The following BICDL1 variants were observed in gnomAD, a reference collection of about 807,000 sequenced individuals.
The protein encoded by BICDL1 is BICD family like cargo adaptor 1.
A neutral mutation model predicts 76.8 loss-of-function variants in BICDL1; 20 were observed. The observed-to-expected ratio is 0.26, with a 90% CI of 0.18 to 0.38. The LOEUF (loss-of-function observed/expected upper bound fraction) is 0.38. Ranked by LOEUF, BICDL1 falls within the 10% of genes least tolerant of loss-of-function variation. The pLI is 1.00. For synonymous variants in BICDL1, 383 were observed against 337.1 expected (o/e 1.14, Z -1.49); for missense variants, 700 against 798.6 (o/e 0.88, Z 1.49).
chr12:120,072,412 G>A (rs1873176541), intron 5 of BICDL1, 99 bp from the exon 6 acceptor site: 14 of 1,087,556 alleles, frequency 1.3e-5, no homozygotes, highest in Non-Finnish European at 1.8e-5. Context: ...TAGAACTGGT[G>A]TCTTGGGTAT....
At chr12:120,015,198 T>G (rs754871701) in intron 2 of BICDL1, among the ~76,000 whole-genome samples, 1 of 152,156 alleles carries the variant, frequency 6.6e-6, no homozygotes, top group African/African-American at 2.4e-5. Flanking sequence ...ACCTGAAACA[T>G]CTCCTTGCCT....
At chr12:120,092,271 G>GGGA in intron 9 of BICDL1, 5 of 985,460 alleles carry the variant, frequency 5.1e-6, no homozygotes, top group Non-Finnish European at 6.0e-6. Context: ...GCGGGCTGTG[G>GGGA]GGAGGAAGGC....
At chr12:120,006,988 G>A (rs964198845) in intron 2 of BICDL1, among the ~76,000 whole-genome samples, 5 of 152,142 alleles carry the variant, frequency 3.3e-5, no homozygotes. Context: ...TTTGATTATG[G>A]AAGTGTTGAA....
intron 2 of BICDL1, 145 bp downstream of exon 2, chr12:119,998,881 C>A: frequency 1.4e-6 from 1 of 714,168 alleles, no homozygotes; most frequent in Non-Finnish European, 2.3e-6. Flanking sequence ...ACAGGGAGAC[C>A]TCATCTCTAC....
chr12:120,086,383 A>C (rs915445964), intron 8 of BICDL1, among the ~76,000 whole-genome samples: 1 of 152,230 alleles, frequency 6.6e-6, no homozygotes, highest in African/African-American at 2.4e-5. Context: ...TACTTCTTCC[A>C]TATACGTTAT....
chr12:120,082,615 CTT>C (rs1266459105), intron 8 of BICDL1, among the ~76,000 whole-genome samples: 1 of 151,972 alleles, frequency 6.6e-6, no homozygotes, highest in African/African-American at 2.4e-5. Flanking sequence ...CAGGGTCTCT[CTT>C]TGTCACCCAG....
intron 2 of BICDL1, among the ~76,000 whole-genome samples, chr12:120,052,145 T>C (rs1441213504): frequency 1.3e-5 from 2 of 152,136 alleles, no homozygotes; most frequent in African/African-American, 2.4e-5. Context: ...GTTTTCACTA[T>C]GTTGGCCAGG....
rs1873920578 is a variant in BICDL1 at position 120,080,927 on chromosome 12, A to T, written c.1493A>T (p.Glu498Val). Residue 498 changes from glutamate to valine, a missense_variant, in exon 8 of 10, where the codon GAG becomes GTG. Transcript: ENST00000548673. ...LSVEMTALKE[E>V]RDRLRVTSED... ...GTGGAGATGACTGCCCTAAAAGAGG[A>T]GAGAGACCGACTCAGAGTCACTTCT... 1.9e-6 allele frequency: 3 copies of T among 1,613,626 alleles called. No individual in the cohort carries two copies. Among genetic ancestry groups the T allele is most frequent in the African/African-American group, 1.3e-5 (1 of 74,834 alleles).
chr12:119,994,879 C>T (rs1031921718), intron 1 of BICDL1, among the ~76,000 whole-genome samples: 2 of 152,186 alleles, frequency 1.3e-5, no homozygotes, highest in Non-Finnish European at 1.5e-5. Context: ...CCAGCTTCCT[C>T]TTATTAACAT....
chr12:119,999,062 G>GAAAAAAAAAA (rs10658480), intron 2 of BICDL1, among the ~76,000 whole-genome samples: 1 of 95,258 alleles, frequency 1.0e-5, no homozygotes, highest in South Asian at 4.0e-4. Flanking sequence ...GCCTGTCTCG[G>GAAAAAAAAAA]AAAAAAAAAA....
At chr12:119,997,923 G>T (rs1045513177) in intron 1 of BICDL1, among the ~76,000 whole-genome samples, 1 of 152,088 alleles carries the variant, frequency 6.6e-6, no homozygotes, top group Non-Finnish European at 1.5e-5. Context: ...AGACCAACCT[G>T]GGCAACATTG....
At chr12:120,077,912 G>A (rs1873685275) in intron 7 of BICDL1, among the ~76,000 whole-genome samples, 1 of 152,020 alleles carries the variant, frequency 6.6e-6, no homozygotes, top group Non-Finnish European at 1.5e-5. Context: ...GCCTTGAGCT[G>A]TTGTGGCTGT....
At chr12:120,080,709 ACCCTTTCTTCAAGAGAGACAGG>A in intron 7 of BICDL1, 156 bp from the exon 8 acceptor site, 2 of 534,042 alleles carry the variant, frequency 3.7e-6, no homozygotes, top group Non-Finnish European at 6.5e-6. Context: ...GTGATGTGGT[ACCCTTTCTTCAAGAGAGACAGG>A]CCCTCTCTTG....
intron 8 of BICDL1, among the ~76,000 whole-genome samples, chr12:120,086,763 AAAGG>A (rs1874447693): frequency 6.6e-6 from 1 of 152,262 alleles, no homozygotes; most frequent in South Asian, 2.1e-4. Context: ...TCATTTGTAA[AAAGG>A]AATTATTCGA....
At chr12:120,046,326 C>T (rs553908518) in intron 2 of BICDL1, among the ~76,000 whole-genome samples, 1 of 152,272 alleles carries the variant, frequency 6.6e-6, no homozygotes, top group South Asian at 2.1e-4. Context: ...CTTTTCTGTG[C>T]CAGTGACTTA....
chr12:120,008,427 G>A (rs1415930691), intron 2 of BICDL1, among the ~76,000 whole-genome samples: 1 of 152,100 alleles, frequency 6.6e-6, no homozygotes, highest in Non-Finnish European at 1.5e-5. Context: ...CCAAAATGCT[G>A]GGATTACAGG....
Position 120,064,863 on chromosome 12 carries a change from A to G in BICDL1, c.893A>G (p.His298Arg), listed in dbSNP as rs1165556601. 4 of 1,611,716 alleles carry G rather than the reference A, an allele frequency of 2.5e-6. No homozygotes were observed. Among genetic ancestry groups the G allele is most frequent in the African/African-American group, 1.3e-5 (1 of 74,862 alleles). Residue 298 changes from histidine to arginine, a missense_variant, in exon 4 of 10, where the codon CAT becomes CGT. Physicochemically the swap from His to Arg is conservative, Grantham distance 29. This residue lies in a region of BICDL1 where 455 missense variants were observed against 548.7 expected (regional missense o/e 0.83). Transcript: ENST00000548673. Reference protein sequence around the residue: ...DRVLILERQGHDKDLQLHQSQ... With the variant: ...DRVLILERQGRDKDLQLHQSQ... ...GTGCTAATCCTGGAGAGGCAGGGCCATGACAAGGACCTACAGGTACTGGGG... is the reference window on the plus strand; with the variant it reads ...GTGCTAATCCTGGAGAGGCAGGGCCGTGACAAGGACCTACAGGTACTGGGG...
intron 2 of BICDL1, among the ~76,000 whole-genome samples, chr12:120,049,158 C>T (rs565992608): frequency 6.6e-6 from 1 of 152,270 alleles, no homozygotes; most frequent in Non-Finnish European, 1.5e-5. Flanking sequence ...AGGAGGGTCC[C>T]TCTGGAATGC....
At chr12:120,073,469 T>C (rs1405944785) in intron 6 of BICDL1, among the ~76,000 whole-genome samples, 2 of 152,162 alleles carry the variant, frequency 1.3e-5, no homozygotes, top group East Asian at 3.9e-4. Flanking sequence ...GCCAAAAGAA[T>C]GTAAGTGAGC....
Sources: allele counts gnomAD v4.1 joint callset (sites outside exome capture counted in the v4.1 genomes callset), GRCh38; gene constraint gnomAD v4.1.1; regional missense constraint gnomAD v4.1.1; transcripts MANE v1.5; gene names NCBI Gene and HGNC (gene_info 2026-07-23, HGNC 2026-07-21).